The following ACOT1 variants were observed in gnomAD, a reference collection of about 807,000 sequenced individuals.
ACOT1 encodes the protein acyl-coenzyme A thioesterase 1.
A neutral mutation model predicts 15.7 loss-of-function variants in ACOT1; 8 were observed. That is an observed-to-expected ratio of 0.51 (90% CI 0.30 to 0.92). The LOEUF (loss-of-function observed/expected upper bound fraction) is 0.92, where lower values mean the gene tolerates loss of function less well. Among genes scored for constraint, ACOT1 ranks in the 40% least tolerant of loss-of-function variants. The pLI is 0.06. For missense variants in ACOT1, 151 were observed against 539.4 expected (o/e 0.28, Z 7.13); for synonymous variants, 67 against 241.2 (o/e 0.28, Z 6.69).
the ACOT1 span, chr14:73,495,363 A>G: frequency 1.2e-6 from 2 of 1,613,940 alleles, no homozygotes; most frequent in Non-Finnish European, 1.7e-6. Context: ...TGTGTCAGCA[A>G]GTCCTTTTGG....
chr14:73,499,043 A>C, the ACOT1 span: 1 of 1,595,620 alleles, frequency 6.3e-7, no homozygotes, highest in Non-Finnish European at 8.6e-7. Context: ...TTAAGGTTGA[A>C]GAGTTTGGGG....
chr14:73,514,834 C>T, the ACOT1 span, among the ~76,000 whole-genome samples: 3,737 of 152,000 alleles, frequency 0.025, 163 homozygotes, highest in African/African-American at 0.086. Context: ...TTTGGGAGGC[C>T]GAGGCGAGCA....
the ACOT1 span, among the ~76,000 whole-genome samples, chr14:73,505,036 A>T: frequency 6.6e-6 from 1 of 151,894 alleles, no homozygotes; most frequent in African/African-American, 2.4e-5. Context: ...GGTTTAAGCG[A>T]TTCTCCTGCC....
At chr14:73,521,309 T>A in the ACOT1 span, among the ~76,000 whole-genome samples, 1 of 152,092 alleles carries the variant, frequency 6.6e-6, no homozygotes, top group Non-Finnish European at 1.5e-5. Flanking sequence ...AGAGTGGCGG[T>A]GCTCCAGCAT....
At chr14:73,493,387 A>C in the ACOT1 span, 2 of 409,474 alleles carry the variant, frequency 4.9e-6, no homozygotes, top group Non-Finnish European at 4.5e-6. Flanking sequence ...AAAGTGCCAA[A>C]GAATGTTTCC....
chr14:73,519,279 G>A, the ACOT1 span: 1 of 1,015,908 alleles, frequency 9.8e-7, no homozygotes, highest in Non-Finnish European at 1.4e-6. Flanking sequence ...TAAGCCCCTA[G>A]GATCCATGAC....
At chr14:73,510,296 T>G in the ACOT1 span, among the ~76,000 whole-genome samples, 1 of 152,108 alleles carries the variant, frequency 6.6e-6, no homozygotes, top group Non-Finnish European at 1.5e-5. Flanking sequence ...TAGGGAGTCT[T>G]TTTTGGTTCA....
At chr14:73,511,376 A>G in the ACOT1 span, among the ~76,000 whole-genome samples, 2,845 of 151,816 alleles carry the variant, frequency 0.019, 57 homozygotes, top group African/African-American at 0.04. Context: ...TGAGCTGGGC[A>G]TGGTGGCACA....
chr14:73,492,661 C>T, the ACOT1 span: 1 of 1,613,964 alleles, frequency 6.2e-7, no homozygotes, highest in Admixed American at 1.7e-5. This position sits in a 1 kb window ranked among gnomAD's most constrained non-coding sequence, Gnocchi z 4.9. Context: ...AAACAGAAGT[C>T]CATATGCTTC....
the ACOT1 span, chr14:73,509,187 C>G: frequency 8.8e-4 from 863 of 977,262 alleles, 8 homozygotes; most frequent in African/African-American, 5.8e-3. Flanking sequence ...AATGGTCTAA[C>G]ATAAATCTAA....
At chr14:73,518,509 G>T in the ACOT1 span, among the ~76,000 whole-genome samples, 1 of 152,124 alleles carries the variant, frequency 6.6e-6, no homozygotes, top group South Asian at 2.1e-4. Flanking sequence ...ATGGGAAATA[G>T]AGTCTTGTGG....
At chr14:73,491,658 C>T in the ACOT1 span, 6 of 1,549,836 alleles carry the variant, frequency 3.9e-6, no homozygotes, top group South Asian at 2.4e-5. Context: ...GCGCCCATGC[C>T]GCCAGATCAC....
the ACOT1 span, chr14:73,522,795 T>A: frequency 6.2e-7 from 1 of 1,614,140 alleles, no homozygotes; most frequent in Non-Finnish European, 8.5e-7. Context: ...CCCAGGAACT[T>A]GAAGCTAACA....
the ACOT1 span, chr14:73,492,059 G>A: frequency 6.2e-7 from 1 of 1,613,940 alleles, no homozygotes; most frequent in South Asian, 1.1e-5. The surrounding 1 kb of genome is among the most constrained non-coding windows in gnomAD (Gnocchi z 4.9). Flanking sequence ...CGAGGCCTTC[G>A]TGCTGCAGCT....
the ACOT1 span, among the ~76,000 whole-genome samples, chr14:73,511,839 A>C: frequency 6.6e-6 from 1 of 152,244 alleles, no homozygotes; most frequent in Non-Finnish European, 1.5e-5. Flanking sequence ...CTGGAATTTT[A>C]ATCTCGTCTC....
At chr14:73,522,142 A>G in the ACOT1 span, 2 of 938,350 alleles carry the variant, frequency 2.1e-6, no homozygotes, top group African/African-American at 3.3e-5. Context: ...CTCAGAGAGC[A>G]GGCCGGTGGT....
At chr14:73,524,012 C>T in the ACOT1 span, among the ~76,000 whole-genome samples, 4 of 151,880 alleles carry the variant, frequency 2.6e-5, no homozygotes, top group Admixed American at 6.6e-5. Context: ...AGCTGTAGGC[C>T]GGGCGCAGTG....
rs1318318992 is a variant in ACOT1 at position 73,537,398 on chromosome 14, C to T, written c.-24C>T. 1.9e-5 allele frequency: 24 copies of T among 1,234,146 alleles called. 7 individuals carry two copies. Among genetic ancestry groups the T allele is most frequent in the South Asian group, 7.0e-5 (5 of 71,282 alleles). 76.4% of individuals were successfully genotyped at this position (1,234,146 alleles called of 1,614,324 possible). ...GTCTCCACAGCTGAGGCAGTTTGGC[C>T]GGATTATTTGGGTTCCTGCTCGGAT... On this transcript the variant is annotated 5_prime_UTR_variant, in exon 1 of 3. Transcript: ENST00000311148.
the ACOT1 span, among the ~76,000 whole-genome samples, chr14:73,528,392 C>CAAAAAA: frequency 3.6e-3 from 321 of 88,476 alleles, 17 homozygotes; most frequent in African/African-American, 0.014. Flanking sequence ...AACTTCATCT[C>CAAAAAA]AAAAAAAAAA....
Sources: allele counts gnomAD v4.1 joint callset (sites outside exome capture counted in the v4.1 genomes callset), GRCh38; gene constraint gnomAD v4.1.1; non-coding constraint Gnocchi (gnomAD v3.1); transcripts MANE v1.5; gene names NCBI Gene and HGNC (gene_info 2026-07-23, HGNC 2026-07-21).